PIP4K2A: variants seen among roughly 807,000 people sequenced by gnomAD.
The protein encoded by PIP4K2A is phosphatidylinositol 5-phosphate 4-kinase type-2 alpha.
In PIP4K2A, 14 loss-of-function variants were observed where a neutral mutation model predicts 42.9. That is an observed-to-expected ratio of 0.33 (90% CI 0.22 to 0.51). The LOEUF (loss-of-function observed/expected upper bound fraction) is 0.51, where lower values mean the gene tolerates loss of function less well. Among genes scored for constraint, PIP4K2A ranks in the 20% least tolerant of loss-of-function variants. The pLI is 0.97. For synonymous variants in PIP4K2A, 192 were observed against 192.2 expected (o/e 1.00, Z 0.01); for missense variants, 434 against 519.8 (o/e 0.83, Z 1.61).
intron 1 of PIP4K2A, among the ~76,000 whole-genome samples, chr10:22,692,793 G>T (rs567944262): frequency 6.6e-6 from 1 of 152,280 alleles, no homozygotes; most frequent in South Asian, 2.1e-4. Flanking sequence ...ACATACCAAG[G>T]TAACTATGGT....
chr10:22,705,531 CCCCACCAGCTTGGCCCCCT>C (rs1348450668), intron 1 of PIP4K2A, among the ~76,000 whole-genome samples: 4 of 150,496 alleles, frequency 2.7e-5, no homozygotes, highest in Admixed American at 6.6e-5. Context: ...GCCTAAATTC[CCCCACCAGCTTGGCCCCCT>C]CCCACCAGCC....
At chr10:22,545,903 G>A (rs1290629059) in intron 7 of PIP4K2A, among the ~76,000 whole-genome samples, 1 of 152,128 alleles carries the variant, frequency 6.6e-6, no homozygotes, top group Non-Finnish European at 1.5e-5. Context: ...ACAGGATCTT[G>A]CTGTGTTGTC....
chr10:22,553,721 G>GTCA (rs1383529531), intron 6 of PIP4K2A, among the ~76,000 whole-genome samples: 1 of 149,120 alleles, frequency 6.7e-6, no homozygotes, highest in East Asian at 2.0e-4. Flanking sequence ...CACCCCCATC[G>GTCA]TCATCATCAT....
At chr10:22,689,444 C>T (rs554286686) in intron 1 of PIP4K2A, among the ~76,000 whole-genome samples, 1 of 152,246 alleles carries the variant, frequency 6.6e-6, no homozygotes, top group East Asian at 1.9e-4. Flanking sequence ...TGAACATGTA[C>T]AGACTTTTTT....
chr10:22,693,096 T>C (rs902198450), intron 1 of PIP4K2A, among the ~76,000 whole-genome samples: 7 of 152,212 alleles, frequency 4.6e-5, no homozygotes, highest in African/African-American at 1.7e-4. Context: ...AAGTTTTCCT[T>C]AGAATCAGGG....
At chr10:22,630,981 G>C (rs1838534991) in intron 1 of PIP4K2A, among the ~76,000 whole-genome samples, 4 of 152,152 alleles carry the variant, frequency 2.6e-5, no homozygotes, top group African/African-American at 4.8e-5. Context: ...AGGGACAAGA[G>C]AGTAGGTAGG....
intron 6 of PIP4K2A, among the ~76,000 whole-genome samples, chr10:22,559,572 A>G (rs949358465): frequency 6.6e-6 from 1 of 152,202 alleles, no homozygotes; most frequent in Non-Finnish European, 1.5e-5. Flanking sequence ...GAGATATTCT[A>G]AATGAAGCTT....
In PIP4K2A at chr10:22,656,910, T is replaced by C. The variant is rs190466773; in HGVS notation, c.145-47193A>G. Among the ~76,000 whole-genome samples, 106 of 152,292 alleles carry C rather than the reference T, an allele frequency of 7.0e-4. 1 individual carries two copies. Among genetic ancestry groups the C allele is most frequent in the African/African-American group, 2.3e-3 (97 of 41,558 alleles). ...TTTATACTTGAAGTTCTCTTTCTGA[T>C]CAAGTCAGTTTGAGTTATTTTATGT... On this transcript the variant is annotated intron_variant, in intron 1 of 9. Transcript: ENST00000376573.
chr10:22,712,552 A>G (rs1833928895), intron 1 of PIP4K2A, among the ~76,000 whole-genome samples: 1 of 152,348 alleles, frequency 6.6e-6, no homozygotes, highest in Middle Eastern at 3.4e-3. Context: ...TAACATAAAT[A>G]ATAAAAGAGC....
chr10:22,609,531 C>T lies in PIP4K2A; in HGVS notation c.242+89G>A, dbSNP rs756584821. 1.1e-5 allele frequency: 8 copies of T among 754,978 alleles called. No homozygotes were observed. The East Asian group carries it at 1.5e-4, about 14-fold the overall frequency. The allele number at this position is 754,978 out of a possible 1,614,324, so 46.8% of individuals were successfully genotyped here. On this transcript the variant is annotated intron_variant, in intron 2 of 9. Transcript: ENST00000376573. ...TCATCAGCAAAACTTTACTCCCACC[C>T]ATTGACAAATTATGTGATTACAAAA... is the stretch of plus-strand genomic sequence containing the variant.
At chr10:22,565,474 C>A (rs1268120298) in intron 6 of PIP4K2A, among the ~76,000 whole-genome samples, 2 of 152,156 alleles carry the variant, frequency 1.3e-5, no homozygotes, top group Admixed American at 6.5e-5. Flanking sequence ...TTATCACTTC[C>A]CCAATCAATA....
rs141978242 is a variant in PIP4K2A, at chr10:22,557,199, T to C, written c.679-6427A>G. 2.6e-3 allele frequency among the ~76,000 whole-genome samples: 394 copies of C among 152,338 alleles called. 2 individuals are homozygous for C. The highest frequency in any genetic ancestry group is 9.2e-3 in the African/African-American group (382 of 41,574). On this transcript the variant is annotated intron_variant, in intron 6 of 9. Transcript: ENST00000376573. ...TTACAAAGTTCAGAGCCCTCATTTT[T>C]AGAATTTCTAAACACATGCCGCCTT...
chr10:22,637,402 C>T (rs1171357734), intron 1 of PIP4K2A, among the ~76,000 whole-genome samples: 2 of 152,136 alleles, frequency 1.3e-5, no homozygotes, highest in Non-Finnish European at 2.9e-5. Flanking sequence ...TAAAATAACA[C>T]AAGAAATTAC....
intron 1 of PIP4K2A, among the ~76,000 whole-genome samples, chr10:22,616,250 C>G (rs1398232585): frequency 1.3e-5 from 2 of 152,172 alleles, no homozygotes; most frequent in East Asian, 3.9e-4. Context: ...GGGAGAGCTC[C>G]TCAGGCTTGG....
chr10:22,664,156 T>TATATAC (rs1554807272), intron 1 of PIP4K2A, among the ~76,000 whole-genome samples: 944 of 59,492 alleles, frequency 0.016, 27 homozygotes, highest in Middle Eastern at 0.094. Flanking sequence ...TATATACACA[T>TATATAC]ATATATATAT....
chr10:22,608,006 T>C lies in PIP4K2A; in HGVS notation c.260A>G (p.His87Arg), dbSNP rs1410594037. The C allele has an allele frequency of 6.2e-7, 1 of 1,610,552 alleles. No individual in the cohort carries two copies. The highest frequency in any genetic ancestry group is 8.5e-7 in the Non-Finnish European group (1 of 1,177,270). The change falls in exon 3 of 10, where the codon CAT (histidine) becomes CGT (arginine). Residue 87 changes from histidine (H) to arginine (R), a missense_variant. Around this residue, in one of 2 missense-constraint regions of PIP4K2A, gnomAD observed 395 missense variants for 444.5 expected, o/e 0.89. Coordinates refer to ENST00000376573, the MANE Select transcript of PIP4K2A (RefSeq NM_005028.5). ...HLFNKENMPS[H>R]FKFKEYCPMV... Reference sequence around the variant, plus strand: ...CGGGCAGTATTCCTTAAACTTGAAATGGCTCGGCATGTTTTCTCTGAAACA... The same window carrying C: ...CGGGCAGTATTCCTTAAACTTGAAACGGCTCGGCATGTTTTCTCTGAAACA...
chr10:22,664,331 G>A (rs1246140513), intron 1 of PIP4K2A, among the ~76,000 whole-genome samples: 1 of 148,660 alleles, frequency 6.7e-6, no homozygotes, highest in African/African-American at 2.5e-5. Flanking sequence ...TCAGCAATGT[G>A]TAACTGTTGT....
At chr10:22,655,392 C>G (rs1262439968) in intron 1 of PIP4K2A, among the ~76,000 whole-genome samples, 3 of 152,182 alleles carry the variant, frequency 2.0e-5, no homozygotes, top group Admixed American at 6.5e-5. Context: ...GACTGCTGCC[C>G]TGCCTTCCAG....
intron 1 of PIP4K2A, among the ~76,000 whole-genome samples, chr10:22,623,416 C>T (rs774028966): frequency 7.2e-5 from 11 of 152,156 alleles, no homozygotes; most frequent in African/African-American, 1.9e-4. Context: ...AGGCAAGGGT[C>T]GCAAGGGTCT....
Sources: allele counts gnomAD v4.1 joint callset (sites outside exome capture counted in the v4.1 genomes callset), GRCh38; gene constraint gnomAD v4.1.1; regional missense constraint gnomAD v4.1.1; transcripts MANE v1.5; gene names NCBI Gene and HGNC (gene_info 2026-07-23, HGNC 2026-07-21).